Variants in ELAVL2 observed in about 807,000 individuals in gnomAD.
ELAVL2 encodes the protein ELAV like RNA binding protein 2.
A neutral mutation model predicts 34.6 loss-of-function variants in ELAVL2; 4 were observed. The ratio of observed to expected loss-of-function variants is 0.12; its 90% confidence interval spans 0.06 to 0.26. The LOEUF (loss-of-function observed/expected upper bound fraction) is 0.26. ELAVL2 is among the 10% of genes least tolerant of loss of function. The pLI, the probability that ELAVL2 is intolerant of heterozygous loss-of-function variation, is 1.00. For missense variants in ELAVL2, 432 were observed against 442.8 expected (o/e 0.98, Z 0.22); for synonymous variants, 193 against 154.8 (o/e 1.25, Z -1.83).
At chr9:23,786,326 T>C (rs951357360) in intron 1 of ELAVL2, among the ~76,000 whole-genome samples, 7 of 152,152 alleles carry the variant, frequency 4.6e-5, no homozygotes, top group Non-Finnish European at 7.3e-5. Flanking sequence ...ATAAACTATA[T>C]AGGCTCAGAC....
chr9:23,708,350 T>C (rs1000639408), intron 3 of ELAVL2, among the ~76,000 whole-genome samples: 36 of 152,318 alleles, frequency 2.4e-4, no homozygotes, highest in African/African-American at 7.9e-4. Flanking sequence ...GTAGGCAGCA[T>C]ACATATTAGT....
chr9:23,730,785 T>A (rs10811963), intron 3 of ELAVL2, among the ~76,000 whole-genome samples: 41,249 of 151,906 alleles, frequency 0.27, 5,992 homozygotes, highest in African/African-American at 0.37. Flanking sequence ...AGGCTTCCTA[T>A]AACATTTATC....
chr9:23,752,471 GT>G (rs375710254), intron 2 of ELAVL2, among the ~76,000 whole-genome samples: 1,455 of 143,682 alleles, frequency 0.01, 17 homozygotes, highest in African/African-American at 0.033. Context: ...ACTTTTTTTT[GT>G]TTTTTTTTTT....
chr9:23,756,626 C>T (rs1314553038), intron 2 of ELAVL2, among the ~76,000 whole-genome samples: 1 of 152,102 alleles, frequency 6.6e-6, no homozygotes, highest in African/African-American at 2.4e-5. Flanking sequence ...AGGACACAGC[C>T]TAGTGACGTA....
intron 1 of ELAVL2, among the ~76,000 whole-genome samples, chr9:23,800,141 CTAA>C (rs969370100): frequency 1.3e-5 from 2 of 152,162 alleles, no homozygotes; most frequent in Non-Finnish European, 2.9e-5. Flanking sequence ...AAGAAAGTAG[CTAA>C]TAATGAGGGC....
intron 1 of ELAVL2, among the ~76,000 whole-genome samples, chr9:23,812,070 A>T (rs2063082827): frequency 6.6e-6 from 1 of 152,140 alleles, no homozygotes; most frequent in African/African-American, 2.4e-5. Context: ...TCTTTGCTTA[A>T]TTCCTCAAGC....
the ELAVL2 span, among the ~76,000 whole-genome samples, chr9:23,850,144 A>AC: frequency 6.6e-6 from 1 of 151,942 alleles, no homozygotes; most frequent in Non-Finnish European, 1.5e-5. Context: ...CTAACAAAAC[A>AC]AAAGGTAAAG....
intron 1 of ELAVL2, among the ~76,000 whole-genome samples, chr9:23,798,739 C>T (rs2061255788): frequency 6.6e-6 from 1 of 152,022 alleles, no homozygotes; most frequent in African/African-American, 2.4e-5. Context: ...AAGCTATACA[C>T]CTAGGTGAAC....
chr9:23,815,907 T>C (rs2063638834), intron 1 of ELAVL2, among the ~76,000 whole-genome samples: 2 of 152,150 alleles, frequency 1.3e-5, no homozygotes, highest in Non-Finnish European at 1.5e-5. Context: ...CAGGAAAGCT[T>C]AGAGTCAGTC....
intron 1 of ELAVL2, among the ~76,000 whole-genome samples, chr9:23,802,815 A>T (rs942383832): frequency 6.6e-6 from 1 of 152,246 alleles, no homozygotes; most frequent in Non-Finnish European, 1.5e-5. Flanking sequence ...GAAATGTAAA[A>T]TGTAAAACTA....
chr9:23,730,930 G>T, intron 3 of ELAVL2, 92 bp downstream of exon 3: 2 of 1,201,910 alleles, frequency 1.7e-6, no homozygotes, highest in Non-Finnish European at 1.2e-6. Flanking sequence ...GTTTATATGG[G>T]CCCAAAAGGA....
chr9:23,810,537 C>A (rs1485830748), intron 1 of ELAVL2, among the ~76,000 whole-genome samples: 1 of 152,114 alleles, frequency 6.6e-6, no homozygotes, highest in Non-Finnish European at 1.5e-5. Flanking sequence ...TTTCAAAACA[C>A]CCCTAAGAGA....
chr9:23,774,235 A>AAAAAAAAAAG (rs59791462), intron 1 of ELAVL2, among the ~76,000 whole-genome samples: 2 of 132,342 alleles, frequency 1.5e-5, no homozygotes, highest in African/African-American at 6.3e-5. Flanking sequence ...AAAAAAAAAA[A>AAAAAAAAAAG]AAAGAAAGAA....
intron 3 of ELAVL2, among the ~76,000 whole-genome samples, chr9:23,706,350 T>C (rs1329024): frequency 0.062 from 9,401 of 152,258 alleles, 369 homozygotes; most frequent in Middle Eastern, 0.088. Context: ...GTGCCTGACA[T>C]GTGATAGATG....
chr9:23,788,426 T>C (rs1055511629), intron 1 of ELAVL2, among the ~76,000 whole-genome samples: 3 of 152,140 alleles, frequency 2.0e-5, no homozygotes, highest in East Asian at 1.9e-4. Flanking sequence ...AAAGCCCCAA[T>C]AGATGCCTGA....
At chr9:23,702,972 A>AAAAAAC (rs1563957352) in intron 4 of ELAVL2, among the ~76,000 whole-genome samples, 3 of 147,082 alleles carry the variant, frequency 2.0e-5, no homozygotes, top group African/African-American at 5.0e-5. Context: ...AAAAAAAAAA[A>AAAAAAC]AAAAAAAAAC....
rs546455222 is a variant in ELAVL2 at position 23,719,829 on chromosome 9, T to G, written c.333+11193A>C. Among the ~76,000 whole-genome samples the G allele has an allele frequency of 3.9e-3, 583 of 150,012 alleles. 4 individuals are homozygous for G. Among genetic ancestry groups the G allele is most frequent in the African/African-American group, 0.014 (544 of 40,262 alleles). On this transcript the variant is annotated intron_variant, in intron 3 of 6. Coordinates refer to ENST00000397312, the MANE Select transcript of ELAVL2 (RefSeq NM_004432.5). ...TATTAAATTTTAAAAGCCACTTTTT[T>G]TTTTTTTTTTTTGAGATGGGAGTTT...
intron 2 of ELAVL2, among the ~76,000 whole-genome samples, chr9:23,759,749 T>C (rs1226473011): frequency 2.0e-5 from 2 of 100,608 alleles, no homozygotes; most frequent in African/African-American, 4.7e-5. Flanking sequence ...ACATCATATA[T>C]AGTATTATAT....
intron 1 of ELAVL2, among the ~76,000 whole-genome samples, chr9:23,764,391 A>AAC (rs2055756676): frequency 6.6e-6 from 1 of 152,180 alleles, no homozygotes; most frequent in South Asian, 2.1e-4. Context: ...CTCCTAAGCC[A>AAC]ACATTCAAGT....
Sources: gnomAD v4.1 joint callset for allele counts (sites outside exome capture counted in the v4.1 genomes callset) on GRCh38, gnomAD v4.1.1 for gene constraint, MANE v1.5 for transcripts, NCBI Gene and HGNC (gene_info 2026-07-23, HGNC 2026-07-21) for gene names.